CCDC181: variants seen among roughly 807,000 people sequenced by gnomAD.
The protein encoded by CCDC181 is coiled-coil domain-containing protein 181.
Under a neutral mutation model 58.7 loss-of-function variants are expected in CCDC181, and 35 were observed. That is an observed-to-expected ratio of 0.60 (90% confidence interval 0.46 to 0.79). CCDC181 has a LOEUF of 0.79. Among genes scored for constraint, CCDC181 ranks in the 30% least tolerant of loss-of-function variants. The pLI, the probability that CCDC181 is intolerant of heterozygous loss-of-function variation, is 0.00. For synonymous variants in CCDC181, 183 were observed against 197.5 expected, an observed-to-expected ratio of 0.93 and a Z score of 0.62; for missense variants, 517 against 583.9, an observed-to-expected ratio of 0.89 and a Z score of 1.18.
chr1:169,415,938 C>T (rs772019750), intron 4 of CCDC181, among the ~76,000 whole-genome samples: 1 of 152,170 alleles, frequency 6.6e-6, no homozygotes, highest in Non-Finnish European at 1.5e-5. Flanking sequence ...TCCTGAAAAC[C>T]GGATAAATTT....
chr1:169,413,211 A>C (rs1656055764), intron 4 of CCDC181, among the ~76,000 whole-genome samples: 1 of 152,254 alleles, frequency 6.6e-6, no homozygotes, highest in East Asian at 1.9e-4. Flanking sequence ...TGGGCAAAGG[A>C]TATGAACAGA....
intron 4 of CCDC181, among the ~76,000 whole-genome samples, chr1:169,402,519 A>G (rs1255292414): frequency 6.6e-6 from 1 of 152,200 alleles, no homozygotes; most frequent in Non-Finnish European, 1.5e-5. Context: ...CTTAAAGAAA[A>G]GAATTTTCAA....
rs777472286 is a variant in CCDC181 at position 169,421,922 on chromosome 1, G to A, written c.509C>T (p.Thr170Ile). ...DLEVPPLEDT[T>I]TFKNYFENER... ...GTTTTCAAAATAATTTTTAAAAGTAGTAGTGTCTTCTAGTGGAGGAACTTC... is the reference window on the plus strand; with the variant it reads ...GTTTTCAAAATAATTTTTAAAAGTAATAGTGTCTTCTAGTGGAGGAACTTC... The change falls in exon 3 of 6, where the codon ACT becomes ATT. Residue 170 changes from threonine (T) to isoleucine (I), a missense_variant. By Grantham distance (89) the Thr-to-Ile change is moderately conservative (BLOSUM62 -1). Coordinates refer to ENST00000367806, the MANE Select transcript of CCDC181 (RefSeq NM_001300969.2). 11 of 1,613,638 alleles carry A rather than the reference G, an allele frequency of 6.8e-6. No individual in the cohort carries two copies. In the South Asian group the frequency reaches 1.1e-4, roughly 16 times the overall value.
chr1:169,433,929 T>C (rs1656986734), intron 2 of CCDC181, among the ~76,000 whole-genome samples: 1 of 152,024 alleles, frequency 6.6e-6, no homozygotes, highest in African/African-American at 2.4e-5. Flanking sequence ...TGCACAAATA[T>C]TAAGTACTGT....
In CCDC181 at chr1:169,419,144, T is replaced by C. The variant is rs1656351953; in HGVS notation, c.1084A>G (p.Ile362Val). The C allele has an allele frequency of 6.3e-7, 1 of 1,599,712 alleles. No homozygotes were observed. The highest frequency in any genetic ancestry group is 1.4e-5 in the African/African-American group (1 of 74,006). The change falls in exon 4 of 6, where the codon ATA (isoleucine) becomes GTA (valine). Residue 362 changes from isoleucine (I) to valine (V), a missense_variant. Ile to Val is a conservative substitution (Grantham distance 29). Coordinates refer to ENST00000367806, the MANE Select transcript of CCDC181 (RefSeq NM_001300969.2). ...KLKREEERRK[I>V]EEEKEKKREN... ...CTCTTTTTTTCTTTCTCTTCTTCTA[T>C]TTTTCGTCGCTCTTCCTAGTAAAAG...
Position 169,397,332 on chromosome 1 carries a change from C to T in CCDC181, c.1275G>A (p.Glu425=). 3 of 1,611,358 alleles carry T rather than the reference C, an allele frequency of 1.9e-6. No homozygotes were observed. Among genetic ancestry groups the T allele is most frequent in the Non-Finnish European group, 2.5e-6 (3 of 1,178,802 alleles). Residue 425 remains glutamate, a synonymous_variant, in exon 5 of 6, where the codon GAG becomes GAA. Coordinates refer to ENST00000367806, the MANE Select transcript of CCDC181 (RefSeq NM_001300969.2). ...CTTCTGTCTGTCTTTCTTTCATCTGCTCTTCGTGCTTTTTTTTAAGCCATA... is the reference window on the plus strand; with the variant it reads ...CTTCTGTCTGTCTTTCTTTCATCTGTTCTTCGTGCTTTTTTTTAAGCCATA... The part of the protein sequence containing the change: ...FRLWLKKKHE[E]QMKERQTEEL...
chr1:169,401,552 C>A (rs536100620), intron 4 of CCDC181, among the ~76,000 whole-genome samples: 1 of 152,168 alleles, frequency 6.6e-6, no homozygotes, highest in South Asian at 2.1e-4. Flanking sequence ...CTGGAGTGGA[C>A]CTCCAGCAAA....
intron 2 of CCDC181, among the ~76,000 whole-genome samples, chr1:169,453,788 C>G (rs1221576793): frequency 6.6e-6 from 1 of 151,310 alleles, no homozygotes; most frequent in Non-Finnish European, 1.5e-5. Flanking sequence ...GAATGTCCCT[C>G]CCTACCAGTG....
chr1:169,431,165 C>T (rs112687991), upstream of CCDC181, among the ~76,000 whole-genome samples: 308 of 152,300 alleles, frequency 2.0e-3, 2 homozygotes, highest in African/African-American at 7.0e-3. Flanking sequence ...TCCTGCCTCA[C>T]TACTGATTTG....
rs560441895 is a variant in CCDC181, at chr1:169,404,533, C to T, written c.1216-7142G>A. ...ATGCAAATCAATAAACGTAATCCAT[C>T]ATCTAAACAGAACCAAAGACAAAAA... On this transcript the variant is annotated intron_variant, in intron 4 of 5. Transcript: ENST00000367806. Among the ~76,000 whole-genome samples, 4 of 152,298 alleles carry T rather than the reference C, an allele frequency of 2.6e-5. No individual in the cohort carries two copies. The South Asian group carries it at 8.3e-4, about 32-fold the overall frequency.
chr1:169,413,383 G>C (rs1035758814), intron 4 of CCDC181, among the ~76,000 whole-genome samples: 11 of 152,176 alleles, frequency 7.2e-5, no homozygotes, highest in Non-Finnish European at 1.6e-4. Flanking sequence ...TGCTGGAGAG[G>C]ATGTGGAGAA....
intron 2 of CCDC181, among the ~76,000 whole-genome samples, chr1:169,444,443 CA>C (rs1657318251): frequency 6.6e-6 from 1 of 152,118 alleles, no homozygotes; most frequent in African/African-American, 2.4e-5. Context: ...ACAGGGCCTT[CA>C]GTAGCATTTT....
chr1:169,404,862 G>A (rs1331958485), intron 4 of CCDC181, among the ~76,000 whole-genome samples: 1 of 152,192 alleles, frequency 6.6e-6, no homozygotes, highest in African/African-American at 2.4e-5. Flanking sequence ...AAAAGAGGAA[G>A]TCAAATTGTC....
intron 4 of CCDC181, among the ~76,000 whole-genome samples, chr1:169,403,436 AAC>A (rs1435480852): frequency 6.6e-6 from 1 of 152,270 alleles, no homozygotes; most frequent in Non-Finnish European, 1.5e-5. Context: ...CAAATGTAAA[AAC>A]ACAGAAATTA....
chr1:169,436,508 T>G (rs1175219208), intron 2 of CCDC181, among the ~76,000 whole-genome samples: 2 of 152,086 alleles, frequency 1.3e-5, no homozygotes, highest in Non-Finnish European at 2.9e-5. Flanking sequence ...TGAGTTCAAG[T>G]GATTCTCAAA....
rs555105296 is a variant in CCDC181 at position 169,448,987 on chromosome 1, T to C, written c.-24+10810A>G. Reference sequence around the variant, plus strand: ...GGCATTCTTCACATTTAAGATAGTGTCTCTGATTTTTAGCATTTCCCTTTG... The same window carrying C: ...GGCATTCTTCACATTTAAGATAGTGCCTCTGATTTTTAGCATTTCCCTTTG... On this transcript the variant is annotated intron_variant, in intron 2 of 6. Coordinates refer to the CCDC181 transcript ENST00000545005. 3.3e-5 allele frequency among the ~76,000 whole-genome samples: 5 copies of C among 152,274 alleles called. No individual in the cohort carries two copies. The South Asian group carries it at 1.0e-3, about 32-fold the overall frequency.
intron 2 of CCDC181, among the ~76,000 whole-genome samples, chr1:169,453,011 GT>G (rs1362629181): frequency 6.6e-6 from 1 of 151,066 alleles, no homozygotes; most frequent in Non-Finnish European, 1.5e-5. Context: ...TAGTCTACTT[GT>G]TTTTTTCATT....
chr1:169,437,696 C>T (rs1464419599), intron 2 of CCDC181, among the ~76,000 whole-genome samples: 1 of 152,162 alleles, frequency 6.6e-6, no homozygotes, highest in African/African-American at 2.4e-5. Flanking sequence ...AGTGGAACCA[C>T]TTTGCAACTG....
intron 4 of CCDC181, among the ~76,000 whole-genome samples, chr1:169,409,902 G>A: frequency 1.3e-5 from 2 of 152,112 alleles, no homozygotes; most frequent in East Asian, 3.9e-4. Flanking sequence ...AATATGTAAA[G>A]GAAAAACAGA....
Sources: gnomAD v4.1 joint callset for allele counts (sites outside exome capture counted in the v4.1 genomes callset) on GRCh38, gnomAD v4.1.1 for gene constraint, MANE v1.5 for transcripts, NCBI Gene and HGNC (gene_info 2026-07-23, HGNC 2026-07-21) for gene names.